The following DPYSL2 variants were observed in gnomAD, a reference collection of about 807,000 sequenced individuals.
DPYSL2 encodes dihydropyrimidinase like 2.
A neutral mutation model predicts 69.9 loss-of-function variants in DPYSL2; 13 were observed. The ratio of observed to expected loss-of-function variants is 0.19; its 90% CI spans 0.12 to 0.30. The LOEUF (loss-of-function observed/expected upper bound fraction) is 0.30, where lower values mean the gene tolerates loss of function less well. Ranked by LOEUF, DPYSL2 falls within the 10% of genes least tolerant of loss-of-function variation. DPYSL2 has a pLI of 1.00. For missense variants in DPYSL2, 587 were observed against 918.9 expected (o/e 0.64, Z 4.67); for synonymous variants, 326 against 359.1 (o/e 0.91, Z 1.04).
chr8:26,567,464 G>T (rs896683117), intron 1 of DPYSL2, among the ~76,000 whole-genome samples: 3 of 152,212 alleles, frequency 2.0e-5, no homozygotes, highest in Non-Finnish European at 4.4e-5. Flanking sequence ...CCTATTACAG[G>T]CAAGGCCTTA....
Position 26,653,196 on chromosome 8 carries a change from T to G in DPYSL2, c.1777-36T>G. 1 of 1,604,914 alleles carries G rather than the reference T, an allele frequency of 6.2e-7. No homozygotes were observed. The highest frequency in any genetic ancestry group is 2.2e-5 in the East Asian group (1 of 44,686). On this transcript the variant is annotated intron_variant, in intron 12 of 13. Transcript: ENST00000521913. The surrounding 1 kb of genome is among the most constrained non-coding windows in gnomAD (Gnocchi z 5.7). ...TTTCTAGAGAGGTATCCTCTGTGGC[T>G]GTGGCCTGAGCTGGGGGGACTCTTG... is the stretch of plus-strand genomic sequence containing the variant.
In DPYSL2 at chr8:26,514,909, G is replaced by A. The variant is rs941025599; in HGVS notation, c.354+230G>A. On this transcript the variant is annotated intron_variant, in intron 1 of 13. Transcript: ENST00000521913. This position sits in a 1 kb window ranked among gnomAD's most constrained non-coding sequence, Gnocchi z 8.4. ...AGGCTGCCCGCGTCTCCTTGAGCTT[G>A]AGAGGTGGGGCGTGGGCATAGGGAA... 2.6e-5 allele frequency among the ~76,000 whole-genome samples: 4 copies of A among 152,226 alleles called. No individual in the cohort carries two copies. Among genetic ancestry groups the A allele is most frequent in the Non-Finnish European group, 4.4e-5 (3 of 68,040 alleles).
In DPYSL2 at chr8:26,614,024, G is replaced by C. The variant is rs1487942152; in HGVS notation, c.629-10119G>C. Among the ~76,000 whole-genome samples, 1 of 152,178 alleles carries C rather than the reference G, an allele frequency of 6.6e-6. No individual in the cohort carries two copies. Among genetic ancestry groups the C allele is most frequent in the Non-Finnish European group, 1.5e-5 (1 of 68,044 alleles). ...ACGTGCCTGTGGTCCCAGCTACTCGGGAGGTTGAGGTGGGAGGATCGCTTG... is the reference window on the plus strand; with the variant it reads ...ACGTGCCTGTGGTCCCAGCTACTCGCGAGGTTGAGGTGGGAGGATCGCTTG... On this transcript the variant is annotated intron_variant, in intron 3 of 13. Coordinates refer to ENST00000521913, the MANE Select transcript of DPYSL2 (RefSeq NM_001197293.3). This position sits in a 1 kb window ranked among gnomAD's most constrained non-coding sequence, Gnocchi z 4.9.
At chr8:26,636,285 CAAGAAGGCAGCGCATTTGT>C (rs1404805449) in intron 8 of DPYSL2, among the ~76,000 whole-genome samples, 1 of 152,212 alleles carries the variant, frequency 6.6e-6, no homozygotes, top group East Asian at 1.9e-4. Flanking sequence ...CACGCATTTG[CAAGAAGGCAGCGCATTTGT>C]GGGAATCAGC....
At chr8:26,554,754 C>T (rs1346788848) in intron 1 of DPYSL2, among the ~76,000 whole-genome samples, 1 of 152,034 alleles carries the variant, frequency 6.6e-6, no homozygotes, top group Non-Finnish European at 1.5e-5. Context: ...AGTGGGGATA[C>T]CTCCTAATTC....
At chr8:26,547,362 G>GAAAA (rs35108046) in intron 1 of DPYSL2, among the ~76,000 whole-genome samples, 9 of 147,220 alleles carry the variant, frequency 6.1e-5, no homozygotes, top group Middle Eastern at 7.0e-3. Context: ...GACCCTGATT[G>GAAAA]AAAAAAAAAA....
chr8:26,622,448 ATGTG>A (rs10606826), intron 3 of DPYSL2, among the ~76,000 whole-genome samples: 10,259 of 142,446 alleles, frequency 0.072, 423 homozygotes, highest in African/African-American at 0.098. Context: ...GCCATATTGT[ATGTG>A]TGTGTGTGTG....
intron 3 of DPYSL2, among the ~76,000 whole-genome samples, chr8:26,616,666 C>A (rs954391770): frequency 4.4e-4 from 67 of 152,198 alleles, no homozygotes; most frequent in Admixed American, 4.6e-4. Context: ...AGCATCTGCC[C>A]CTCCTTGCTT....
chr8:26,608,494 C>T (rs147068799), intron 3 of DPYSL2, among the ~76,000 whole-genome samples: 41 of 152,170 alleles, frequency 2.7e-4, no homozygotes, highest in African/African-American at 8.4e-4. Flanking sequence ...TTCTTGAGGA[C>T]GAAGAGAAAA....
chr8:26,554,130 C>T (rs1800908837), intron 1 of DPYSL2, among the ~76,000 whole-genome samples: 1 of 151,970 alleles, frequency 6.6e-6, no homozygotes, highest in Non-Finnish European at 1.5e-5. Flanking sequence ...CCTCGTGATC[C>T]ACCCGCCTTG....
chr8:26,567,569 G>C (rs76205748), intron 1 of DPYSL2, among the ~76,000 whole-genome samples: 2,023 of 152,364 alleles, frequency 0.013, 66 homozygotes, highest in East Asian at 0.084. Flanking sequence ...TAGTCCAGGA[G>C]ACTGTTTTGG....
chr8:26,569,368 AAACAAAAACAAAAAAAAAC>A (rs1801201794), intron 1 of DPYSL2, among the ~76,000 whole-genome samples: 1 of 129,144 alleles, frequency 7.7e-6, no homozygotes, highest in Non-Finnish European at 1.6e-5. Context: ...AAAAAAACAA[AAACAAAAACAAAAAAAAAC>A]CAAAGAAAAA....
chr8:26,622,485 T>C (rs1802518514), intron 3 of DPYSL2, among the ~76,000 whole-genome samples: 1 of 113,672 alleles, frequency 8.8e-6, no homozygotes, highest in Non-Finnish European at 1.7e-5. Flanking sequence ...TATGTGTGTG[T>C]GTGTGTGTGT....
Position 26,610,789 on chromosome 8 carries a change from C to T in DPYSL2, c.629-13354C>T, listed in dbSNP as rs1376581693. The stretch of plus-strand genomic sequence containing the variant: ...GCAGGTTTATCTCCTCAAGGCACCC[C>T]TAAAGTATGTTTTTACTATTTAACA... On this transcript the variant is annotated intron_variant, in intron 3 of 13. Transcript: ENST00000521913. This position sits in a 1 kb window ranked among gnomAD's most constrained non-coding sequence, Gnocchi z 4.5. 6.6e-6 allele frequency among the ~76,000 whole-genome samples: 1 copy of T among 152,174 alleles called. No homozygotes were observed. The highest frequency in any genetic ancestry group is 2.4e-5 in the African/African-American group (1 of 41,420).
At chr8:26,635,014 A>T in intron 8 of DPYSL2, 114 bp downstream of exon 8, 1 of 1,456,860 alleles carries the variant, frequency 6.9e-7, no homozygotes, top group South Asian at 1.3e-5. Context: ...GGCCACTTGC[A>T]CCATGTTCTG....
At chr8:26,551,110 C>T (rs1314458967) in intron 1 of DPYSL2, among the ~76,000 whole-genome samples, 2 of 152,184 alleles carry the variant, frequency 1.3e-5, no homozygotes, top group Admixed American at 1.3e-4. Context: ...CCCAATTATT[C>T]TAATCAAAAG....
intron 1 of DPYSL2, among the ~76,000 whole-genome samples, chr8:26,541,024 A>G (rs1800676120): frequency 6.6e-6 from 1 of 152,222 alleles, no homozygotes; most frequent in Non-Finnish European, 1.5e-5. Context: ...AGTTAAGTCC[A>G]GATAAACCCA....
chr8:26,655,700 G>A lies in DPYSL2; in HGVS notation c.2028G>A (p.Leu676=), dbSNP rs1280483718. 1 of 1,606,246 alleles carries A rather than the reference G, an allele frequency of 6.2e-7. No individual in the cohort carries two copies. The highest frequency in any genetic ancestry group is 1.7e-5 in the Admixed American group (1 of 59,954). The change falls in exon 14 of 14, where the codon CTG becomes CTA. Residue 676 remains leucine (L), a synonymous_variant. Transcript: ENST00000521913. The part of the protein sequence containing the change: ...PPGGRANITS[L]G ...GTGGCCGTGCCAACATCACCAGCCT[G>A]GGCTAGAGCTCCTGGGCTGTGCCGT... is the stretch of plus-strand genomic sequence containing the variant.
intron 1 of DPYSL2, among the ~76,000 whole-genome samples, chr8:26,556,614 A>C (rs1025407935): frequency 6.6e-6 from 1 of 151,580 alleles, no homozygotes; most frequent in Non-Finnish European, 1.5e-5. Flanking sequence ...AAATCTAACA[A>C]TATGTATATA....
Sources: allele counts gnomAD v4.1 joint callset (sites outside exome capture counted in the v4.1 genomes callset), GRCh38; gene constraint gnomAD v4.1.1; non-coding constraint Gnocchi (gnomAD v3.1); transcripts MANE v1.5; gene names NCBI Gene and HGNC (gene_info 2026-07-23, HGNC 2026-07-21).